The following MYO16 variants were observed in gnomAD, a reference collection of about 807,000 sequenced individuals.
The protein encoded by MYO16 is myosin XVI.
Under a neutral mutation model 205.3 loss-of-function variants are expected in MYO16, and 94 were observed. That is an observed-to-expected ratio of 0.46 (90% CI 0.39 to 0.54). The LOEUF (loss-of-function observed/expected upper bound fraction) is 0.54. Among genes scored for constraint, MYO16 ranks in the 20% least tolerant of loss-of-function variants. MYO16 has a pLI of 0.00. For missense variants in MYO16, 2,315 were observed against 2,387.5 expected, an observed-to-expected ratio of 0.97 and a Z score of 0.63; for synonymous variants, 988 against 954.0, an observed-to-expected ratio of 1.04 and a Z score of -0.66.
At chr13:108,802,502 T>G (rs1029379762) in intron 6 of MYO16, among the ~76,000 whole-genome samples, 5 of 152,216 alleles carry the variant, frequency 3.3e-5, no homozygotes, top group Non-Finnish European at 7.3e-5. Context: ...TGATGAACAG[T>G]GAACTTGGCT....
intron 27 of MYO16, among the ~76,000 whole-genome samples, chr13:109,073,438 G>A (rs1331239578): frequency 6.6e-6 from 1 of 151,980 alleles, no homozygotes; most frequent in African/African-American, 2.4e-5. Context: ...TTCCACAGGT[G>A]ATCTGCATTC....
intron 2 of MYO16, among the ~76,000 whole-genome samples, chr13:108,689,557 T>G (rs1190003312): frequency 6.6e-6 from 1 of 152,186 alleles, no homozygotes; most frequent in Non-Finnish European, 1.5e-5. Context: ...TCTTTGCAAT[T>G]ATCATATTTA....
At chr13:109,031,174 C>T (rs1037286133) in intron 23 of MYO16, among the ~76,000 whole-genome samples, 1 of 152,102 alleles carries the variant, frequency 6.6e-6, no homozygotes, top group Non-Finnish European at 1.5e-5. Flanking sequence ...TCACTGAAAC[C>T]TCTGCCTCCC....
intron 20 of MYO16, among the ~76,000 whole-genome samples, chr13:108,991,088 C>T (rs1246237704): frequency 3.9e-5 from 6 of 152,172 alleles, no homozygotes; most frequent in Middle Eastern, 3.2e-3. Context: ...CCCATTCATA[C>T]TATACGTCAA....
At chr13:108,806,629 G>T in intron 6 of MYO16, 50 bp from the exon 7 acceptor site, 1 of 1,569,520 alleles carries the variant, frequency 6.4e-7, no homozygotes, top group South Asian at 1.1e-5. Context: ...TGAACTGCAT[G>T]AATATCACTA....
rs577408597 is a variant in MYO16, at chr13:109,034,206, TTTTTAA to T, written c.2797-12705_2797-12700del. On this transcript the variant is annotated intron_variant, in intron 23 of 34. Transcript: ENST00000457511. Reference sequence around the variant, plus strand: ...CCTTGGAAAAAGGAATTAGAGATAATTTTTAATTTTGTTACTTTTAGTACATTCCAA... The same window carrying T: ...CCTTGGAAAAAGGAATTAGAGATAATTTTTGTTACTTTTAGTACATTCCAA... 1.0e-3 allele frequency among the ~76,000 whole-genome samples: 156 copies of T among 152,336 alleles called. 2 individuals are homozygous for T. The East Asian group carries it at 0.029, about 28-fold the overall frequency.
chr13:108,856,778 C>T (rs1402518548), intron 11 of MYO16, among the ~76,000 whole-genome samples: 3 of 152,098 alleles, frequency 2.0e-5, no homozygotes, highest in Non-Finnish European at 1.5e-5. Context: ...GTGGTAAGCA[C>T]CCTCATCAAA....
chr13:108,848,054 C>G (rs1877616610), intron 10 of MYO16, among the ~76,000 whole-genome samples: 1 of 152,152 alleles, frequency 6.6e-6, no homozygotes, highest in Non-Finnish European at 1.5e-5. Flanking sequence ...CTCTGGAGCT[C>G]TATGGAAGTC....
chr13:108,857,484 T>A (rs174488), intron 11 of MYO16, among the ~76,000 whole-genome samples: 21,512 of 152,120 alleles, frequency 0.14, 1,679 homozygotes, highest in East Asian at 0.28. Context: ...TGGTATCAAA[T>A]GGTGAATAAG....
chr13:108,983,629 G>A (rs1884527392), intron 20 of MYO16, among the ~76,000 whole-genome samples: 1 of 152,192 alleles, frequency 6.6e-6, no homozygotes, highest in Admixed American at 6.5e-5. Context: ...GCTGCTTTCT[G>A]TGAGCGGAAG....
chr13:108,912,146 A>T (rs1881294996), intron 16 of MYO16, among the ~76,000 whole-genome samples: 1 of 152,094 alleles, frequency 6.6e-6, no homozygotes, highest in Admixed American at 6.5e-5. Flanking sequence ...AAATTACAGG[A>T]CAACCTCTGT....
At chr13:108,678,121 A>G (rs1401912771) in intron 2 of MYO16, among the ~76,000 whole-genome samples, 1 of 152,240 alleles carries the variant, frequency 6.6e-6, no homozygotes. Context: ...TGCCATTTAT[A>G]AGATCAGAGA....
chr13:109,138,811 A>AATTT (rs955684988), intron 31 of MYO16, among the ~76,000 whole-genome samples: 42 of 151,658 alleles, frequency 2.8e-4, no homozygotes, highest in Non-Finnish European at 2.1e-4. Context: ...AATTTAATTT[A>AATTT]ATTTATTTAT....
intron 20 of MYO16, among the ~76,000 whole-genome samples, chr13:108,989,505 T>C (rs1353470178): frequency 6.6e-6 from 1 of 152,212 alleles, no homozygotes; most frequent in African/African-American, 2.4e-5. Context: ...AGAATTTATA[T>C]ATTGCTTTCT....
intron 6 of MYO16, among the ~76,000 whole-genome samples, chr13:108,800,257 T>G (rs965504240): frequency 2.0e-5 from 3 of 152,208 alleles, no homozygotes; most frequent in Admixed American, 6.5e-5. Context: ...ACCAGTTTAT[T>G]CTGTGTCCAC....
intron 33 of MYO16, among the ~76,000 whole-genome samples, chr13:109,173,117 A>T (rs1878987143): frequency 1.3e-5 from 2 of 152,226 alleles, no homozygotes; most frequent in African/African-American, 4.8e-5. Flanking sequence ...GGATGGCAAG[A>T]GGAAACCCAG....
intron 2 of MYO16, among the ~76,000 whole-genome samples, chr13:108,707,482 G>A (rs766221106): frequency 1.3e-5 from 2 of 152,130 alleles, no homozygotes; most frequent in African/African-American, 2.4e-5. Flanking sequence ...CCCAGACTCA[G>A]TCTTTGATTG....
chr13:109,164,921 A>C lies in MYO16; in HGVS notation c.5185A>C (p.Ile1729Leu), dbSNP rs1284250498. 6.3e-7 allele frequency: 1 copy of C among 1,583,714 alleles called. No homozygotes were observed. Among genetic ancestry groups the C allele is most frequent in the Non-Finnish European group, 8.6e-7 (1 of 1,168,476 alleles). ...EAEGFETNMN[I>L]SSRDDPSTSE... The stretch of plus-strand genomic sequence containing the variant: ...TTTAGGTTTTGAAACTAACATGAAC[A>C]TAAGTAGCCGAGATGACCCTAGTAC... Residue 1729 changes from isoleucine to leucine, a missense_variant, in exon 33 of 35, where the codon ATA (isoleucine) becomes CTA (leucine). Ile to Leu is a conservative substitution (Grantham distance 5). Around this residue, in one of 3 missense-constraint regions of MYO16, gnomAD observed 1,097 missense variants for 1,092.0 expected, o/e 1.00. Transcript: ENST00000457511.
At chr13:108,679,797 A>G (rs1456294779) in intron 2 of MYO16, among the ~76,000 whole-genome samples, 1 of 151,990 alleles carries the variant, frequency 6.6e-6, no homozygotes, top group East Asian at 1.9e-4. Context: ...ACTTCTTTTC[A>G]AGAGAGTAGT....
Sources: gnomAD v4.1 joint callset for allele counts (sites outside exome capture counted in the v4.1 genomes callset) on GRCh38, gnomAD v4.1.1 for gene constraint, gnomAD v4.1.1 regional missense constraint, MANE v1.5 for transcripts, NCBI Gene and HGNC (gene_info 2026-07-23, HGNC 2026-07-21) for gene names.